DSC3: variants seen among roughly 807,000 people sequenced by gnomAD.
DSC3 encodes the protein desmocollin 3.
In DSC3, 97 loss-of-function variants were observed where a neutral mutation model predicts 89.5. The observed-to-expected ratio is 1.08, with a 90% CI of 0.92 to 1.28. The LOEUF is 1.28. Among genes scored for constraint, DSC3 ranks in the 50% most tolerant of loss-of-function variants. DSC3 has a pLI of 0.00. For missense variants in DSC3, 1,199 were observed against 1,085.3 expected, an observed-to-expected ratio of 1.10 and a Z score of -1.47; for synonymous variants, 436 against 384.1, an observed-to-expected ratio of 1.14 and a Z score of -1.58.
At chr18:31,031,523 A>C (rs1295214484) in intron 2 of DSC3, among the ~76,000 whole-genome samples, 3 of 152,174 alleles carry the variant, frequency 2.0e-5, no homozygotes, top group Non-Finnish European at 4.4e-5. Context: ...CATATAGAAG[A>C]GTTTCCCTAA....
At position 30,993,328 on chromosome 18, in the gene DSC3, A is replaced by C. The variant is rs1984338153; in HGVS notation, c.*847T>G. ...TTGAAACAGACTGCAAAGCAAAGCT[A>C]CTGTTCCATTGGATTCCCTATTTCC... On this transcript the variant is annotated 3_prime_UTR_variant, in exon 16 of 16. Transcript: ENST00000360428. The C allele has an allele frequency of 6.6e-6, 1 of 152,210 alleles. No individual in the cohort carries two copies. Among genetic ancestry groups the C allele is most frequent in the Non-Finnish European group, 1.5e-5 (1 of 68,048 alleles). 9.4% of individuals were successfully genotyped at this position (152,210 alleles called of 1,614,324 possible). A position where few individuals can be genotyped will look rare whatever the true frequency, so the allele number is the denominator to read the frequency against.
intron 14 of DSC3, 89 bp from the exon 15 acceptor site, chr18:30,997,137 A>G: frequency 6.8e-7 from 1 of 1,479,988 alleles, no homozygotes; most frequent in Non-Finnish European, 9.4e-7. Flanking sequence ...TATTTGTTCA[A>G]CCTTTTATTC....
chr18:31,018,342 AC>A (rs1228119327), intron 8 of DSC3, 86 bp from the exon 9 acceptor site: 4 of 999,358 alleles, frequency 4.0e-6, no homozygotes, highest in Non-Finnish European at 5.9e-6. Context: ...AAAAATACTT[AC>A]CATTATAATT....
intron 1 of DSC3, among the ~76,000 whole-genome samples, chr18:31,033,441 A>C (rs1320836766): frequency 6.6e-6 from 1 of 152,178 alleles, no homozygotes; most frequent in Non-Finnish European, 1.5e-5. Flanking sequence ...GTAGAACTTA[A>C]ATCCCAGAAA....
Position 30,996,821 on chromosome 18 carries a change from C to T in DSC3, c.2463G>A (p.Trp821Ter), listed in dbSNP as rs746524385. The T allele has an allele frequency of 3.1e-6, 5 of 1,613,582 alleles. No homozygotes were observed. The highest frequency in any genetic ancestry group is 4.2e-6 in the Non-Finnish European group (5 of 1,179,956). Residue 821 changes from tryptophan to a stop codon, truncating the protein, a stop_gained, in exon 15 of 16, where the codon TGG (tryptophan) becomes TGA (stop). Transcript: ENST00000360428. LOFTEE classifies it high-confidence loss of function. ...CGAGACGGGGTTGAGTAAAACTGTG[C>T]CACTCCGAGTAAGTGTATCTGCAGT... ...VDNCRYTYSE[W>*]HSFTQPRLGE...
chr18:31,001,214 T>C (rs1984648382), intron 14 of DSC3, among the ~76,000 whole-genome samples: 1 of 151,258 alleles, frequency 6.6e-6, no homozygotes, highest in Admixed American at 6.6e-5. Context: ...CCCTTTCTTT[T>C]AGATATATCT....
chr18:30,996,682 C>G, intron 15 of DSC3, 109 bp downstream of exon 15: 1 of 1,337,450 alleles, frequency 7.5e-7, no homozygotes, highest in Non-Finnish European at 1.0e-6. Flanking sequence ...ACAGAGCAAG[C>G]AAGAGAGAGC....
chr18:30,995,243 T>C (rs913970136), intron 15 of DSC3, among the ~76,000 whole-genome samples: 1 of 152,214 alleles, frequency 6.6e-6, no homozygotes, highest in Admixed American at 6.5e-5. Context: ...CATGACATTG[T>C]TAGCCTTACC....
chr18:31,029,754 G>C (rs1453025211), intron 3 of DSC3, 126 bp from the exon 4 acceptor site: 1 of 1,189,544 alleles, frequency 8.4e-7, no homozygotes, highest in Non-Finnish European at 1.2e-6. Context: ...TTCCATGCTG[G>C]AGCTAAACCA....
chr18:31,011,969 CAAA>C (rs371759932), intron 9 of DSC3, among the ~76,000 whole-genome samples: 2 of 51,582 alleles, frequency 3.9e-5, no homozygotes, highest in Non-Finnish European at 6.7e-5. Flanking sequence ...ACTCCATCTC[CAAA>C]AAAAAAAAAA....
At chr18:31,032,979 G>A (rs1423942657) in intron 1 of DSC3, among the ~76,000 whole-genome samples, 1 of 152,136 alleles carries the variant, frequency 6.6e-6, no homozygotes, top group South Asian at 2.1e-4. Context: ...AGTTCAGTAA[G>A]GCTACAGGAT....
rs1334293515 is a variant in DSC3, at chr18:30,991,167, G to T, written c.*3008C>A. 1 of 152,528 alleles carries T rather than the reference G, an allele frequency of 6.6e-6. No homozygotes were observed. The highest frequency in any genetic ancestry group is 1.5e-5 in the Non-Finnish European group (1 of 68,002). 9.4% of individuals were successfully genotyped at this position (152,528 alleles called of 1,614,324 possible). ...GCAGCCAAGTTTCTTTAAAAGCAAA[G>T]TAACTTCTTTTAATAGCAATACTAA... On this transcript the variant is annotated 3_prime_UTR_variant, in exon 16 of 16. Coordinates refer to ENST00000360428, the MANE Select transcript of DSC3 (RefSeq NM_001941.5).
chr18:31,007,626 T>G (rs1483662134), intron 11 of DSC3, among the ~76,000 whole-genome samples: 1 of 152,202 alleles, frequency 6.6e-6, no homozygotes, highest in Non-Finnish European at 1.5e-5. Flanking sequence ...TAGGTTACTT[T>G]AAGGAACAGA....
chr18:31,002,850 A>T (rs916443122), intron 13 of DSC3, among the ~76,000 whole-genome samples: 2 of 152,230 alleles, frequency 1.3e-5, no homozygotes, highest in Admixed American at 6.5e-5. Context: ...GACAGATTTG[A>T]TTGGATACAA....
intron 15 of DSC3, 57 bp downstream of exon 15, chr18:30,996,734 T>C: frequency 6.2e-7 from 1 of 1,602,764 alleles, no homozygotes; most frequent in African/African-American, 1.3e-5. Flanking sequence ...TTGAATTGTC[T>C]ATTTTTCTCC....
At position 30,997,035 on chromosome 18, in the gene DSC3, C is replaced by A; in HGVS notation, c.2249G>T (p.Gly750Val). The part of the protein sequence containing the change: ...PGDDRVCSAN[G>V]FMTQTTNNSS... Reference sequence around the variant, plus strand: ...GTTGTTGGTAGTTTGGGTCATAAATCCATTGGCAGAGCACTGAAATAATAA... The same window carrying A: ...GTTGTTGGTAGTTTGGGTCATAAATACATTGGCAGAGCACTGAAATAATAA... The change falls in exon 15 of 16, where the codon GGA becomes GTA. Residue 750 changes from glycine to valine, a missense_variant. Transcript: ENST00000360428. The A allele has an allele frequency of 6.2e-7, 1 of 1,614,104 alleles. No individual in the cohort carries two copies. Among genetic ancestry groups the A allele is most frequent in the African/African-American group, 1.3e-5 (1 of 75,020 alleles).
chr18:31,038,915 A>T (rs1351712298), intron 1 of DSC3, among the ~76,000 whole-genome samples: 2 of 152,204 alleles, frequency 1.3e-5, no homozygotes, highest in East Asian at 3.9e-4. Flanking sequence ...TATTCAATAG[A>T]CTTCAGTTAT....
rs1210478378 is a variant in DSC3, at chr18:31,018,067, G to A, written c.1263+4C>T. 3.7e-6 allele frequency: 6 copies of A among 1,609,682 alleles called. No homozygotes were observed. Among genetic ancestry groups the A allele is most frequent in the East Asian group, 2.2e-5 (1 of 44,662 alleles). On this transcript the variant is annotated splice_donor_region_variant and intron_variant, in intron 9 of 15. Coordinates refer to ENST00000360428, the MANE Select transcript of DSC3 (RefSeq NM_001941.5). The stretch of plus-strand genomic sequence containing the variant: ...GCTAAGTTGTCAATTATACATTACT[G>A]TACCTTTACAACAGAAAGAACACCT...
At chr18:31,039,781 G>A (rs1380543402) in intron 1 of DSC3, among the ~76,000 whole-genome samples, 3 of 152,138 alleles carry the variant, frequency 2.0e-5, no homozygotes, top group Admixed American at 6.5e-5. Flanking sequence ...ACGTGCTTCC[G>A]TATCTAGCTG....
Sources: allele counts gnomAD v4.1 joint callset (sites outside exome capture counted in the v4.1 genomes callset), GRCh38; gene constraint gnomAD v4.1.1; transcripts MANE v1.5; gene names NCBI Gene and HGNC (gene_info 2026-07-23, HGNC 2026-07-21).